The following CDH13 variants were observed in gnomAD, a reference collection of about 807,000 sequenced individuals.
The protein encoded by CDH13 is cadherin 13.
Under a neutral mutation model 63.8 loss-of-function variants are expected in CDH13, and 24 were observed. The ratio of observed to expected loss-of-function variants is 0.38; its 90% CI spans 0.27 to 0.53. The LOEUF (loss-of-function observed/expected upper bound fraction) is 0.53, where lower values mean the gene tolerates loss of function less well. Among genes scored for constraint, CDH13 ranks in the 20% least tolerant of loss-of-function variants. The pLI, the probability that CDH13 is intolerant of heterozygous loss-of-function variation, is 0.85. For synonymous variants in CDH13, 503 were observed against 355.3 expected, an observed-to-expected ratio of 1.42 and a Z score of -4.67; for missense variants, 1,049 against 903.1, an observed-to-expected ratio of 1.16 and a Z score of -2.07.
chr16:82,994,643 A>C (rs1421234281), intron 2 of CDH13, among the ~76,000 whole-genome samples: 1 of 152,226 alleles, frequency 6.6e-6, no homozygotes, highest in Non-Finnish European at 1.5e-5. Context: ...AAATTAATCA[A>C]GTTCTTTGTA....
chr16:82,808,097 T>TAACTAGCTCAGTG (rs2037244895), intron 1 of CDH13, among the ~76,000 whole-genome samples: 1 of 152,176 alleles, frequency 6.6e-6, no homozygotes, highest in South Asian at 2.1e-4. Context: ...GGTCTCCAGC[T>TAACTAGCTCAGTG]AACTAGCTCA....
intron 6 of CDH13, among the ~76,000 whole-genome samples, chr16:83,431,061 T>C (rs891374603): frequency 6.7e-6 from 1 of 149,782 alleles, no homozygotes; most frequent in African/African-American, 2.5e-5. Flanking sequence ...AGTGAGAGTA[T>C]GCAGTGTTTG....
At chr16:83,006,278 C>T (rs1913483937) in intron 2 of CDH13, among the ~76,000 whole-genome samples, 1 of 152,172 alleles carries the variant, frequency 6.6e-6, no homozygotes, top group Admixed American at 6.5e-5. Context: ...TTTTAGACCC[C>T]AGTGATGATA....
At chr16:83,086,332 C>G (rs1470112043) in intron 3 of CDH13, among the ~76,000 whole-genome samples, 1 of 152,182 alleles carries the variant, frequency 6.6e-6, no homozygotes, top group Non-Finnish European at 1.5e-5. Context: ...CCAGATCTAC[C>G]ATTTATAAGC....
rs367610043 is a variant in CDH13 at position 83,334,011 on chromosome 16, C to A, written c.637-10851C>A. 1.8e-4 allele frequency among the ~76,000 whole-genome samples: 27 copies of A among 152,218 alleles called. No individual in the cohort carries two copies. The East Asian group carries it at 4.1e-3, about 23-fold the overall frequency. On this transcript the variant is annotated intron_variant, in intron 5 of 13. Transcript: ENST00000567109. Reference sequence around the variant, plus strand: ...AAAATCAAGGTGTCCGCAGGGCTACCTTCACTCCTGGAAGCTCTTGGGGAA... The same window carrying A: ...AAAATCAAGGTGTCCGCAGGGCTACATTCACTCCTGGAAGCTCTTGGGGAA...
chr16:82,946,107 T>C (rs992887072), intron 2 of CDH13, among the ~76,000 whole-genome samples: 3 of 151,946 alleles, frequency 2.0e-5, no homozygotes, highest in Non-Finnish European at 2.9e-5. Flanking sequence ...CTTTCTGATC[T>C]TTTGCCCTCC....
chr16:82,681,960 C>T (rs1422927196), intron 1 of CDH13, among the ~76,000 whole-genome samples: 1 of 152,210 alleles, frequency 6.6e-6, no homozygotes, highest in African/African-American at 2.4e-5. Flanking sequence ...TGTGCTGCCA[C>T]CTCTCCTTTC....
At chr16:82,936,130 G>A (rs910464250) in intron 2 of CDH13, among the ~76,000 whole-genome samples, 1 of 152,308 alleles carries the variant, frequency 6.6e-6, no homozygotes, top group Middle Eastern at 3.4e-3. Flanking sequence ...GAGAAAGGAA[G>A]ACGGAGCTGC....
chr16:83,291,059 A>G (rs752408799), intron 5 of CDH13, among the ~76,000 whole-genome samples: 1 of 152,174 alleles, frequency 6.6e-6, no homozygotes, highest in South Asian at 2.1e-4. Flanking sequence ...GGTATTTGAC[A>G]GTACAGGTCT....
intron 6 of CDH13, among the ~76,000 whole-genome samples, chr16:83,442,099 C>T (rs1029412972): frequency 2.0e-5 from 3 of 152,080 alleles, no homozygotes; most frequent in East Asian, 1.9e-4. Context: ...AACACACAGG[C>T]CAACTCTGAC....
intron 5 of CDH13, among the ~76,000 whole-genome samples, chr16:83,291,048 T>C (rs957168804): frequency 1.3e-5 from 2 of 152,160 alleles, no homozygotes; most frequent in African/African-American, 4.8e-5. Context: ...TCTTATCAAA[T>C]GGTATTTGAC....
rs111683635 is a variant in CDH13 at position 83,333,773 on chromosome 16, G to A, written c.637-11089G>A. On this transcript the variant is annotated intron_variant, in intron 5 of 13. Transcript: ENST00000567109. ...AGAGCATGATCACATGACCCATTTT[G>A]CCCAGGACAGCTTTGGTTTGCACCT... Among the ~76,000 whole-genome samples, 143 of 152,248 alleles carry A rather than the reference G, an allele frequency of 9.4e-4. 1 individual carries two copies. Among genetic ancestry groups the A allele is most frequent in the African/African-American group, 3.1e-3 (129 of 41,554 alleles).
At chr16:82,798,883 C>T (rs563224195) in intron 1 of CDH13, among the ~76,000 whole-genome samples, 1 of 151,996 alleles carries the variant, frequency 6.6e-6, no homozygotes, top group East Asian at 1.9e-4. Context: ...TAACAGGAAC[C>T]CTTGGAAGTG....
intron 2 of CDH13, among the ~76,000 whole-genome samples, chr16:83,020,223 G>A (rs757188022): frequency 5.9e-5 from 9 of 152,202 alleles, no homozygotes; most frequent in African/African-American, 9.7e-5. Context: ...CACCTGCATA[G>A]CTGTAGGACC....
chr16:83,579,865 A>T (rs1567780912), intron 7 of CDH13, among the ~76,000 whole-genome samples: 1 of 152,016 alleles, frequency 6.6e-6, no homozygotes, highest in Non-Finnish European at 1.5e-5. Flanking sequence ...TTAGACAGGG[A>T]CAAATTAGGG....
chr16:83,045,239 C>T (rs1228887938), intron 3 of CDH13, among the ~76,000 whole-genome samples: 1 of 152,182 alleles, frequency 6.6e-6, no homozygotes, highest in East Asian at 1.9e-4. Flanking sequence ...CCTGTGTCAT[C>T]ATGACCCATT....
At chr16:82,789,871 C>G (rs1412307959) in intron 1 of CDH13, among the ~76,000 whole-genome samples, 1 of 152,122 alleles carries the variant, frequency 6.6e-6, no homozygotes. Flanking sequence ...CCTCACTGGA[C>G]AGGCATTGTG....
chr16:83,433,613 A>G (rs1182238732), intron 6 of CDH13, among the ~76,000 whole-genome samples: 2 of 152,108 alleles, frequency 1.3e-5, no homozygotes, highest in Non-Finnish European at 2.9e-5. Flanking sequence ...TCTCCTATTG[A>G]CTCAGGAGTG....
chr16:83,397,694 G>A lies in CDH13; in HGVS notation c.781+52688G>A, dbSNP rs140607821. On this transcript the variant is annotated intron_variant, in intron 6 of 13. Transcript: ENST00000567109. ...TCGGAGTGTGTTTCAAAGACATTAT[G>A]CCTATGTGAAAGTAAAGATGGAGTT... 9.9e-3 allele frequency among the ~76,000 whole-genome samples: 1,508 copies of A among 152,302 alleles called. 13 individuals carry two copies. The highest frequency in any genetic ancestry group is 0.012 in the Non-Finnish European group (797 of 68,022).
Sources: gnomAD v4.1 joint callset for allele counts (sites outside exome capture counted in the v4.1 genomes callset) on GRCh38, gnomAD v4.1.1 for gene constraint, MANE v1.5 for transcripts, NCBI Gene and HGNC (gene_info 2026-07-23, HGNC 2026-07-21) for gene names.